RUNX1: variants seen among roughly 807,000 people sequenced by gnomAD.
The protein encoded by RUNX1 is RUNX family transcription factor 1.
In RUNX1, 19 loss-of-function variants were observed where a neutral mutation model predicts 42.8. That is an observed-to-expected ratio of 0.44 (90% confidence interval 0.31 to 0.65). The LOEUF (loss-of-function observed/expected upper bound fraction) is 0.65. RUNX1 is among the 30% of genes least tolerant of loss of function. The pLI is 0.07. For synonymous variants in RUNX1, 271 were observed against 289.4 expected, an observed-to-expected ratio of 0.94 and a Z score of 0.64; for missense variants, 528 against 672.0, an observed-to-expected ratio of 0.79 and a Z score of 2.37.
chr21:34,850,793 TA>T (rs2146188752), intron 6 of RUNX1, among the ~76,000 whole-genome samples: 1 of 152,016 alleles, frequency 6.6e-6, no homozygotes, highest in South Asian at 2.1e-4. Context: ...AATGTTTAAT[TA>T]AATGTAAAAA....
intron 4 of RUNX1, among the ~76,000 whole-genome samples, chr21:34,881,619 G>A (rs1258602949): frequency 1.3e-5 from 2 of 152,192 alleles, no homozygotes; most frequent in African/African-American, 2.4e-5. Context: ...GAGGTTTTCT[G>A]CTAGCCCAGC....
chr21:34,999,954 T>G (rs2059027871), intron 2 of RUNX1, among the ~76,000 whole-genome samples: 1 of 152,224 alleles, frequency 6.6e-6, no homozygotes, highest in South Asian at 2.1e-4. Context: ...TTCATCTTTA[T>G]CGGGCTGAAC....
intron 2 of RUNX1, among the ~76,000 whole-genome samples, chr21:34,974,865 G>C (rs2058789136): frequency 6.6e-6 from 1 of 152,194 alleles, no homozygotes; most frequent in Non-Finnish European, 1.5e-5. Flanking sequence ...TTAAGTAACA[G>C]ACTGTGACGT....
intron 2 of RUNX1, among the ~76,000 whole-genome samples, chr21:34,950,348 GAAAGT>G (rs922671452): frequency 2.0e-5 from 3 of 152,142 alleles, no homozygotes; most frequent in Non-Finnish European, 4.4e-5. Context: ...GGAAATATGG[GAAAGT>G]AATTTTGTAC....
intron 4 of RUNX1, among the ~76,000 whole-genome samples, chr21:34,881,712 T>C (rs919185133): frequency 2.6e-5 from 4 of 152,220 alleles, no homozygotes; most frequent in African/African-American, 7.2e-5. Context: ...GGTAGATAAA[T>C]GTTTTTATAC....
intron 6 of RUNX1, among the ~76,000 whole-genome samples, chr21:34,857,527 T>C (rs2057512091): frequency 1.3e-5 from 2 of 152,234 alleles, no homozygotes; most frequent in Non-Finnish European, 2.9e-5. Flanking sequence ...CAGGGTCACC[T>C]GGCTTCGGCT....
chr21:34,816,767 G>T (rs1423037162), intron 7 of RUNX1, among the ~76,000 whole-genome samples: 2 of 152,156 alleles, frequency 1.3e-5, no homozygotes, highest in African/African-American at 4.8e-5. Context: ...CTGGTCATGG[G>T]TGTTCAGAGA....
At chr21:34,821,338 C>A (rs2056905210) in intron 7 of RUNX1, 1 of 1,182,694 alleles carries the variant, frequency 8.5e-7, no homozygotes. Context: ...GGGATCCATG[C>A]TAAATATTTG....
At chr21:34,968,927 G>A (rs1242214590) in intron 2 of RUNX1, among the ~76,000 whole-genome samples, 6 of 152,102 alleles carry the variant, frequency 3.9e-5, no homozygotes, top group Admixed American at 6.5e-5. Context: ...CAGTAACCCC[G>A]CCGGCAATTC....
chr21:34,859,353 G>T, intron 6 of RUNX1, 121 bp downstream of exon 6: 2 of 841,554 alleles, frequency 2.4e-6, no homozygotes, highest in Non-Finnish European at 4.1e-6. Context: ...CTTTACGGGG[G>T]CCTGACATCC....
intron 6 of RUNX1, among the ~76,000 whole-genome samples, chr21:34,849,373 C>CTATG (rs2057375075): frequency 3.8e-5 from 1 of 26,510 alleles, no homozygotes; most frequent in Non-Finnish European, 6.9e-5. Flanking sequence ...ATTATATATA[C>CTATG]TATATACATA....
intron 7 of RUNX1, among the ~76,000 whole-genome samples, chr21:34,809,726 C>A (rs1358341072): frequency 6.6e-6 from 1 of 152,070 alleles, no homozygotes; most frequent in East Asian, 1.9e-4. Context: ...ATATCTCTGG[C>A]TAAACAGATA....
chr21:34,946,377 C>T (rs1013897542), intron 2 of RUNX1, among the ~76,000 whole-genome samples: 3 of 152,182 alleles, frequency 2.0e-5, no homozygotes, highest in African/African-American at 7.2e-5. Context: ...GATCACATAG[C>T]ACATTCCCCT....
At chr21:35,014,732 G>A (rs941919744) in intron 2 of RUNX1, among the ~76,000 whole-genome samples, 2 of 152,252 alleles carry the variant, frequency 1.3e-5, no homozygotes, top group Non-Finnish European at 2.9e-5. Flanking sequence ...CGTCCTCAGA[G>A]CTCTGCTTTC....
chr21:34,889,409 C>T (rs1181189135), intron 3 of RUNX1, among the ~76,000 whole-genome samples: 1 of 152,094 alleles, frequency 6.6e-6, no homozygotes, highest in African/African-American at 2.4e-5. Flanking sequence ...TGCGCCCGGG[C>T]CGCGGCTCGA....
chr21:35,043,461 G>A (rs952789968), intron 2 of RUNX1, among the ~76,000 whole-genome samples: 1 of 152,158 alleles, frequency 6.6e-6, no homozygotes, highest in African/African-American at 2.4e-5. Context: ...AAGCAATTAC[G>A]AAAATGAGGG....
intron 7 of RUNX1, among the ~76,000 whole-genome samples, chr21:34,818,162 G>C (rs2056856446): frequency 6.6e-6 from 1 of 152,216 alleles, no homozygotes. Flanking sequence ...GTGCTGGGGT[G>C]GGGTGGGGGC....
chr21:34,890,781 A>C (rs1327556855), intron 3 of RUNX1, among the ~76,000 whole-genome samples: 2 of 121,002 alleles, frequency 1.7e-5, no homozygotes, highest in African/African-American at 6.4e-5. Context: ...AGAAGAGTGC[A>C]TCGCGCGCGC....
At chr21:35,026,550 T>C (rs1431391842) in intron 2 of RUNX1, among the ~76,000 whole-genome samples, 3 of 152,214 alleles carry the variant, frequency 2.0e-5, no homozygotes, top group African/African-American at 7.2e-5. Flanking sequence ...TTATTTATTT[T>C]AACCAGGTCA....
Sources: gnomAD v4.1 joint callset for allele counts (sites outside exome capture counted in the v4.1 genomes callset) on GRCh38, gnomAD v4.1.1 for gene constraint, MANE v1.5 for transcripts, NCBI Gene and HGNC (gene_info 2026-07-23, HGNC 2026-07-21) for gene names.